Variants in CPNE7 observed in about 807,000 individuals in gnomAD.
CPNE7 encodes the protein copine 7.
Under a neutral mutation model 66.5 loss-of-function variants are expected in CPNE7, and 78 were observed. The observed-to-expected ratio is 1.17, with a 90% CI of 0.98 to 1.42. CPNE7 has a LOEUF of 1.42. Among genes scored for constraint, CPNE7 ranks in the 40% most tolerant of loss-of-function variants. The pLI is 0.00. For synonymous variants in CPNE7, 468 were observed against 336.7 expected, an observed-to-expected ratio of 1.39 and a Z score of -4.27; for missense variants, 1,012 against 776.6, an observed-to-expected ratio of 1.30 and a Z score of -3.60.
Position 89,587,033 on chromosome 16 carries a change from C to A in CPNE7, c.868-10C>A, listed in dbSNP as rs371392385. 8 of 1,574,978 alleles carry A rather than the reference C, an allele frequency of 5.1e-6. No homozygotes were observed. In the South Asian group the frequency reaches 8.1e-5, roughly 16 times the overall value. On this transcript the variant is annotated splice_polypyrimidine_tract_variant and intron_variant, in intron 8 of 14. Transcript: ENST00000319518. ...TGGCGGGGGTGGACGCTGACTCCGC[C>A]GGCCGGAAGTTCCACAGGGTGTACT... is the stretch of plus-strand genomic sequence containing the variant.
intron 2 of CPNE7, chr16:89,578,861 C>T: frequency 6.2e-7 from 1 of 1,611,410 alleles, no homozygotes; most frequent in Non-Finnish European, 8.5e-7. Context: ...CCACAGCCAG[C>T]CCAAAAGTGG....
chr16:89,587,021 C>G, intron 8 of CPNE7, 22 bp from the exon 9 acceptor site: 1 of 1,569,956 alleles, frequency 6.4e-7, no homozygotes, highest in South Asian at 1.2e-5. Context: ...CGGGGGTGGA[C>G]GCTGACTCCG....
chr16:89,589,947 A>C lies in CPNE7; in HGVS notation c.1112A>C (p.Tyr371Ser), dbSNP rs776713744. ...TTTGGAGCCCGGATCCCTCCCAAGTATGAGGTAGGAGAGCCCAGAACCTGA... is the reference window on the plus strand; with the variant it reads ...TTTGGAGCCCGGATCCCTCCCAAGTCTGAGGTAGGAGAGCCCAGAACCTGA... ...LGFGARIPPK[Y>S]EVSHDFAINF... The change falls in exon 11 of 15, where the codon TAT (tyrosine) becomes TCT (serine). Residue 371 changes from tyrosine (Y) to serine (S), a missense_variant. Coordinates refer to ENST00000319518, the MANE Select transcript of CPNE7 (RefSeq NM_153636.3). The C allele has an allele frequency of 1.2e-6, 2 of 1,613,492 alleles. No individual in the cohort carries two copies. The highest frequency in any genetic ancestry group is 1.7e-6 in the Non-Finnish European group (2 of 1,179,972).
At chr16:89,589,755 A>G (rs397564) in intron 10 of CPNE7, 142 bp from the exon 11 acceptor site, 440,640 of 819,124 alleles carry the variant, frequency 0.54, 120,528 homozygotes, top group South Asian at 0.66. Context: ...TCGGTTCCCC[A>G]CCTCTGGCAG....
chr16:89,591,487 G>C (rs1234107253), intron 13 of CPNE7, among the ~76,000 whole-genome samples: 1 of 152,232 alleles, frequency 6.6e-6, no homozygotes, highest in East Asian at 1.9e-4. Context: ...CACGGCCATG[G>C]CTGCAGCGAG....
At chr16:89,583,340 T>TACCTGTGGAGGGGCGTCCGCCAC in intron 2 of CPNE7, 2 of 1,110,666 alleles carry the variant, frequency 1.8e-6, no homozygotes, top group Non-Finnish European at 2.7e-6. Flanking sequence ...CAGCCCTGCT[T>TACCTGTGGAGGGGCGTCCGCCAC]ACCTGTGGAG....
intron 14 of CPNE7, 181 bp downstream of exon 14, chr16:89,595,784 C>T (rs747144488): frequency 6.0e-5 from 43 of 711,402 alleles, no homozygotes; most frequent in Non-Finnish European, 1.0e-4. Flanking sequence ...CTTTGAGCAC[C>T]TGAAACACCC....
chr16:89,577,981 C>G (rs149289315), intron 2 of CPNE7, among the ~76,000 whole-genome samples: 3 of 152,302 alleles, frequency 2.0e-5, no homozygotes, highest in Non-Finnish European at 4.4e-5. Flanking sequence ...CAGCTGCTGC[C>G]AGGTCCCTGG....
intron 11 of CPNE7, among the ~76,000 whole-genome samples, chr16:89,590,469 G>A (rs2059150402): frequency 6.6e-6 from 1 of 152,064 alleles, no homozygotes; most frequent in Admixed American, 6.6e-5. Flanking sequence ...AGGTTGCACT[G>A]AGCTGAGATC....
At chr16:89,586,564 C>A in intron 7 of CPNE7, 106 bp from the exon 8 acceptor site, 1 of 874,458 alleles carries the variant, frequency 1.1e-6, no homozygotes, top group Non-Finnish European at 1.9e-6. Context: ...CCCCTCCCCA[C>A]CACGGGGCCC....
Position 89,587,103 on chromosome 16 carries a change from G to GT in CPNE7, c.927+2dup, listed in dbSNP as rs1450738778. The GT allele has an allele frequency of 3.9e-6, 6 of 1,553,332 alleles. No homozygotes were observed. Among genetic ancestry groups the GT allele is most frequent in the Non-Finnish European group, 5.2e-6 (6 of 1,150,292 alleles). ...GGGCGGCTGCCAGATCCACTTCACCGTGAGTCCATGGCCCCGCCCCATGCC... is the reference window on the plus strand; with the variant it reads ...GGGCGGCTGCCAGATCCACTTCACCGTTGAGTCCATGGCCCCGCCCCATGCC... On this transcript the variant is annotated splice_donor_variant, in intron 9 of 14. Transcript: ENST00000319518. LOFTEE classifies it high-confidence loss of function.
At chr16:89,592,534 C>A (rs1342645377) in intron 13 of CPNE7, among the ~76,000 whole-genome samples, 1 of 150,574 alleles carries the variant, frequency 6.6e-6, no homozygotes, top group Non-Finnish European at 1.5e-5. Flanking sequence ...GCTCCACCCT[C>A]CGAGTTCAAG....
intron 13 of CPNE7, among the ~76,000 whole-genome samples, chr16:89,592,813 T>C (rs1447082362): frequency 7.0e-6 from 1 of 142,336 alleles, no homozygotes; most frequent in Non-Finnish European, 1.5e-5. Context: ...TTCTTTTCTT[T>C]TTTTTTTTTT....
intron 6 of CPNE7, 52 bp downstream of exon 6, chr16:89,585,605 G>T: frequency 6.4e-7 from 1 of 1,570,372 alleles, no homozygotes. Context: ...CTGGATGTGG[G>T]CTGCGATGGA....
At chr16:89,577,378 C>T (rs999746353) in intron 1 of CPNE7, among the ~76,000 whole-genome samples, 161 bp from the exon 2 acceptor site, 19 of 152,158 alleles carry the variant, frequency 1.2e-4, no homozygotes, top group Admixed American at 1.1e-3. Flanking sequence ...GGGTGGCCCT[C>T]GGGATTGTGG....
chr16:89,587,841 CACGG>C (rs2059094475), intron 9 of CPNE7: 1 of 34,140 alleles, frequency 2.9e-5, no homozygotes, highest in African/African-American at 1.1e-4. Context: ...CCCACAGATA[CACGG>C]CCCCCGTGTT....
rs2059068460 is a variant in CPNE7 at position 89,587,310 on chromosome 16, C to CCACACCGGGA, written c.927+209_927+210insACACCGGGAC. Among the ~76,000 whole-genome samples, 16 of 6,798 alleles carry CCACACCGGGA rather than the reference C, an allele frequency of 2.4e-3. 6 individuals are homozygous for CCACACCGGGA. The highest frequency in any genetic ancestry group is 0.01 in the African/African-American group (14 of 1,364). The allele number at this position is 6,798 out of a possible 152,430, so 4.5% of individuals were successfully genotyped here. On this transcript the variant is annotated intron_variant, in intron 9 of 14. Transcript: ENST00000319518. ...CCCCTCAGTCTGTGGCCCCGCCCAT[C>CCACACCGGGA]CCCGCCCCCTCAGTCCGTGGCCCCG...
At chr16:89,594,164 T>C (rs2151461730) in intron 13 of CPNE7, 1 of 149,582 alleles carries the variant, frequency 6.7e-6, no homozygotes, top group South Asian at 2.2e-4. Context: ...CCACGGTGGG[T>C]TTTGGTGCCT....
chr16:89,578,067 C>CT (rs11340227), intron 2 of CPNE7, among the ~76,000 whole-genome samples: 4,039 of 113,540 alleles, frequency 0.036, 189 homozygotes, highest in African/African-American at 0.1. Context: ...TTTTCTTTTT[C>CT]TTTTTTTTTT....
Sources: allele counts gnomAD v4.1 joint callset (sites outside exome capture counted in the v4.1 genomes callset), GRCh38; gene constraint gnomAD v4.1.1; transcripts MANE v1.5; gene names NCBI Gene and HGNC (gene_info 2026-07-23, HGNC 2026-07-21).